TCOF1: variants seen among roughly 807,000 people sequenced by gnomAD.
TCOF1 encodes the protein treacle protein.
TCOF1 carries 33 observed loss-of-function variants against 149.0 expected under a neutral mutation model. That is an observed-to-expected ratio of 0.22 (90% CI 0.17 to 0.30). The LOEUF is 0.30. Among genes scored for constraint, TCOF1 ranks in the 10% least tolerant of loss-of-function variants. The pLI, the probability that TCOF1 is intolerant of heterozygous loss-of-function variation, is 1.00. For synonymous variants in TCOF1, 789 were observed against 738.8 expected, an observed-to-expected ratio of 1.07 and a Z score of -1.10; for missense variants, 1,728 against 1,840.7, an observed-to-expected ratio of 0.94 and a Z score of 1.12.
intron 19 of TCOF1, 90 bp downstream of exon 19, chr5:150,390,113 A>G: frequency 1.3e-6 from 2 of 1,538,432 alleles, no homozygotes; most frequent in Non-Finnish European, 1.8e-6. Flanking sequence ...GATGGCCTGC[A>G]ATTGCTGTCA....
Position 150,379,552 on chromosome 5 carries a change from C to G in TCOF1, c.2679C>G (p.Thr893=). Residue 893 remains threonine, a synonymous_variant, in exon 17 of 27, where the codon ACC becomes ACG. Coordinates refer to ENST00000643257, the MANE Select transcript of TCOF1 (RefSeq NM_001371623.1). ...TCCAGGTGAAGCCTTCAGGGAAGAC[C>G]CACCAGATCAGAGCTGCCTTGGCTC... ...TLAQVKPSGK[T]HQIRAALAPA... 6.2e-7 allele frequency: 1 copy of G among 1,614,168 alleles called. No individual in the cohort carries two copies. Among genetic ancestry groups the G allele is most frequent in the East Asian group, 2.2e-5 (1 of 44,874 alleles).
At chr5:150,383,466 A>G (rs1172861337) in intron 17 of TCOF1, among the ~76,000 whole-genome samples, 1 of 152,208 alleles carries the variant, frequency 6.6e-6, no homozygotes, top group Non-Finnish European at 1.5e-5. Context: ...GTGAGGCTCA[A>G]TGTTTCAGCC....
chr5:150,384,886 C>T (rs924878747), intron 17 of TCOF1: 26 of 985,220 alleles, frequency 2.6e-5, no homozygotes, highest in Non-Finnish European at 3.1e-5. Flanking sequence ...TTTTATTAGC[C>T]CATCAGTGGG....
chr5:150,368,578 T>C, intron 4 of TCOF1, 138 bp from the exon 5 acceptor site: 1 of 954,718 alleles, frequency 1.0e-6, no homozygotes, highest in Non-Finnish European at 1.7e-6. Flanking sequence ...ACTTTAAAGA[T>C]TGGGAAACAG....
At chr5:150,364,483 A>G (rs1760864073) in intron 3 of TCOF1, among the ~76,000 whole-genome samples, 1 of 152,192 alleles carries the variant, frequency 6.6e-6, no homozygotes, top group Non-Finnish European at 1.5e-5. Flanking sequence ...GGGCCCTTCC[A>G]GTCTCATTTG....
intron 4 of TCOF1, 155 bp downstream of exon 4, chr5:150,368,072 T>TC (rs1164782426): frequency 1.3e-6 from 1 of 758,346 alleles, no homozygotes; most frequent in Non-Finnish European, 2.2e-6. Flanking sequence ...CTTAGTCCCT[T>TC]CACCTCTCTG....
intron 6 of TCOF1, among the ~76,000 whole-genome samples, chr5:150,371,757 C>G (rs1762576856): frequency 6.6e-6 from 1 of 152,156 alleles, no homozygotes; most frequent in Non-Finnish European, 1.5e-5. Flanking sequence ...GAGATCTGTT[C>G]CAAAGTCAGA....
At chr5:150,389,659 G>T (rs1767008842) in intron 18 of TCOF1, among the ~76,000 whole-genome samples, 1 of 152,216 alleles carries the variant, frequency 6.6e-6, no homozygotes, top group Non-Finnish European at 1.5e-5. Context: ...GAGGAAGCCT[G>T]GGGTCACCCC....
In TCOF1 at chr5:150,375,824, AG is replaced by A; in HGVS notation, c.1809del (p.Lys603AsnfsTer25). On this transcript the variant is annotated frameshift_variant, in exon 12 of 27. Coordinates refer to ENST00000643257, the MANE Select transcript of TCOF1 (RefSeq NM_001371623.1). LOFTEE classifies it high-confidence loss of function. The stretch of plus-strand genomic sequence containing the variant: ...GTAGCCGTCCAGGTCAAGGCTGAAA[AG>A]CCCATGGACAACTCGGAGAGCAGCG... Reference protein sequence around the residue: ...GPVAVQVKAEKPMDNSESSEE... With the variant: ...GPVAVQVKAEXPMDNSESSEE... The A allele has an allele frequency of 6.2e-7, 1 of 1,614,202 alleles. No individual in the cohort carries two copies. The highest frequency in any genetic ancestry group is 8.5e-7 in the Non-Finnish European group (1 of 1,180,046).
chr5:150,374,517 G>C (rs1707296830), intron 8 of TCOF1, 100 bp from the exon 9 acceptor site: 2 of 1,583,194 alleles, frequency 1.3e-6, no homozygotes, highest in African/African-American at 1.3e-5. Flanking sequence ...CCCTCTCACT[G>C]TGTGGCATCA....
chr5:150,395,280 A>C (rs777969704), intron 23 of TCOF1, among the ~76,000 whole-genome samples: 2 of 152,172 alleles, frequency 1.3e-5, no homozygotes, highest in Non-Finnish European at 2.9e-5. Flanking sequence ...CCTCCAGGCA[A>C]ACACCTCCAG....
intron 17 of TCOF1, among the ~76,000 whole-genome samples, chr5:150,382,504 A>G (rs1765434682): frequency 6.6e-6 from 1 of 152,228 alleles, no homozygotes; most frequent in Non-Finnish European, 1.5e-5. Flanking sequence ...GAGTAGGGAA[A>G]AGGGGGGCCC....
intron 17 of TCOF1, among the ~76,000 whole-genome samples, chr5:150,381,616 C>A (rs963569755): frequency 1.3e-5 from 2 of 152,202 alleles, no homozygotes; most frequent in Admixed American, 1.3e-4. Context: ...TTATGGAGGA[C>A]CTAAATGCCA....
In TCOF1 at chr5:150,393,566, T is replaced by C; in HGVS notation, c.3784+14T>C. On this transcript the variant is annotated intron_variant, in intron 23 of 26. Coordinates refer to ENST00000643257, the MANE Select transcript of TCOF1 (RefSeq NM_001371623.1). Reference sequence around the variant, plus strand: ...CCCCTAAAACAGGTAAGTTAAGGTCTGCAGGAGGGACATAGCAGGACACAG... The same window carrying C: ...CCCCTAAAACAGGTAAGTTAAGGTCCGCAGGAGGGACATAGCAGGACACAG... 6.2e-7 allele frequency: 1 copy of C among 1,614,206 alleles called. No homozygotes were observed. Among genetic ancestry groups the C allele is most frequent in the Non-Finnish European group, 8.5e-7 (1 of 1,180,022 alleles).
In TCOF1 at chr5:150,391,887, G is replaced by T. The variant is rs1767513013; in HGVS notation, c.3298-70G>T. The stretch of plus-strand genomic sequence containing the variant: ...TAACACAGTTCCTGGCCCTACTGAA[G>T]TGTTCAGGAAGGACCAGGTCTTACT... On this transcript the variant is annotated intron_variant, in intron 20 of 26. Transcript: ENST00000643257. 2.0e-6 allele frequency: 3 copies of T among 1,476,364 alleles called. No homozygotes were observed. The Admixed American group carries it at 5.5e-5, about 27-fold the overall frequency. The allele number at this position is 1,476,364 out of a possible 1,614,324, so 91.5% of individuals were successfully genotyped here.
In TCOF1 at chr5:150,372,127, G is replaced by A. The variant is rs764097584; in HGVS notation, c.761G>A (p.Gly254Glu). The change falls in exon 7 of 27, where the codon GGA (glycine) becomes GAA (glutamate). Residue 254 changes from glycine to glutamate, a missense_variant. Physicochemically the swap from Gly to Glu is moderately conservative, Grantham distance 98 (BLOSUM62 -2). This residue lies in a region of TCOF1 where 1,696 missense variants were observed against 1,765.4 expected (regional missense o/e 0.96). Coordinates refer to ENST00000643257, the MANE Select transcript of TCOF1 (RefSeq NM_001371623.1). ...KVGDVTPQVK[G>E]GALPPAKRAK... ...GGGGATGTGACACCCCAGGTCAAAG[G>A]AGGGGCCCTGCCCCCAGCCAAGAGG... 3.1e-6 allele frequency: 5 copies of A among 1,614,116 alleles called. No individual in the cohort carries two copies. The highest frequency in any genetic ancestry group is 1.3e-5 in the African/African-American group (1 of 74,940).
At chr5:150,380,258 TAA>T (rs1182289883) in intron 17 of TCOF1, 2 of 183,266 alleles carry the variant, frequency 1.1e-5, no homozygotes, top group South Asian at 1.1e-4. Context: ...CTTCCGTAGC[TAA>T]AAGTGTCCTG....
At position 150,375,954 on chromosome 5, in the gene TCOF1, A is replaced by G. The variant is rs771212544; in HGVS notation, c.1893+45A>G. On this transcript the variant is annotated intron_variant, in intron 12 of 26. Transcript: ENST00000643257. The stretch of plus-strand genomic sequence containing the variant: ...GCTGCTACATGGCCTGATCTGCCAC[A>G]CCACAGTCAGCACCCCCGGGGAGCT... The G allele has an allele frequency of 1.2e-5, 19 of 1,613,846 alleles. No individual in the cohort carries two copies. In the South Asian group the frequency reaches 2.1e-4, roughly 18 times the overall value.
At position 150,379,036 on chromosome 5, in the gene TCOF1, A is replaced by C; in HGVS notation, c.2472A>C (p.Pro824=). 6.2e-7 allele frequency: 1 copy of C among 1,613,998 alleles called. No homozygotes were observed. Among genetic ancestry groups the C allele is most frequent in the Non-Finnish European group, 8.5e-7 (1 of 1,179,954 alleles). Reference sequence around the variant, plus strand: ...CTGCTCAAGCCAAGCAGAGGTCTCCATCCAAGGCAAGTGGGGCCAGAAGCC... The same window carrying C: ...CTGCTCAAGCCAAGCAGAGGTCTCCCTCCAAGGCAAGTGGGGCCAGAAGCC... ...TAAAQAKQRS[P]SKVKPPVRNP... The change falls in exon 15 of 27, where the codon CCA becomes CCC. Residue 824 remains proline, a synonymous_variant. Coordinates refer to ENST00000643257, the MANE Select transcript of TCOF1 (RefSeq NM_001371623.1).
Sources: allele counts gnomAD v4.1 joint callset (sites outside exome capture counted in the v4.1 genomes callset), GRCh38; gene constraint gnomAD v4.1.1; regional missense constraint gnomAD v4.1.1; transcripts MANE v1.5; gene names NCBI Gene and HGNC (gene_info 2026-07-23, HGNC 2026-07-21).